Variants in HEATR5B observed in about 807,000 individuals in gnomAD.
The protein encoded by HEATR5B is HEAT repeat-containing protein 5B.
In HEATR5B, 156 loss-of-function variants were observed where a neutral mutation model predicts 224.1. That is an observed-to-expected ratio of 0.70 (90% CI 0.61 to 0.80). HEATR5B has a LOEUF of 0.80. Ranked by LOEUF, HEATR5B falls within the 30% of genes least tolerant of loss-of-function variation. The probability of loss-of-function intolerance (pLI) is 0.00; values close to 1 mark genes in which losing one functional copy is unlikely to be tolerated. For missense variants in HEATR5B, 2,323 were observed against 2,535.5 expected (o/e 0.92, Z 1.80); for synonymous variants, 1,027 against 893.0 (o/e 1.15, Z -2.68).
At chr2:37,020,510 G>A (rs1387991365) in intron 25 of HEATR5B, 145 bp downstream of exon 25, 22 of 510,968 alleles carry the variant, frequency 4.3e-5, no homozygotes, top group Non-Finnish European at 6.8e-6. Flanking sequence ...ACTAAAACTA[G>A]GTAACAGACA....
intron 33 of HEATR5B, among the ~76,000 whole-genome samples, chr2:36,999,174 G>A (rs1279570386): frequency 2.6e-5 from 4 of 151,958 alleles, no homozygotes; most frequent in South Asian, 4.2e-4. Context: ...AGCCAAGATT[G>A]CGCCACTGCA....
At chr2:36,983,488 G>A (rs1207719487) in intron 35 of HEATR5B, among the ~76,000 whole-genome samples, 1 of 151,734 alleles carries the variant, frequency 6.6e-6, no homozygotes, top group African/African-American at 2.4e-5. Context: ...GTGGTGAGCC[G>A]AGATCGTGCC....
intron 18 of HEATR5B, among the ~76,000 whole-genome samples, chr2:37,048,493 A>G (rs1670341249): frequency 2.0e-5 from 3 of 151,078 alleles, no homozygotes; most frequent in Admixed American, 1.3e-4. Flanking sequence ...CCAAGGACAC[A>G]TAAACTAAAA....
At position 37,072,215 on chromosome 2, in the gene HEATR5B, G is replaced by A. The variant is rs568836140; in HGVS notation, c.664C>T (p.Leu222Phe). The change falls in exon 6 of 36, where the codon CTC (leucine) becomes TTC (phenylalanine). Residue 222 changes from leucine to phenylalanine, a missense_variant. Physicochemically the swap from Leu to Phe is conservative, Grantham distance 22. Coordinates refer to ENST00000233099, the MANE Select transcript of HEATR5B (RefSeq NM_019024.3). The stretch of plus-strand genomic sequence containing the variant: ...GAGTTTTCCAAAGCCTTAAAGCAGA[G>A]AGTGGCTATATTTTCTAGTTCAGCA... ...WTAELENIAT[L>F]CFKALENSNY... 6.2e-7 allele frequency: 1 copy of A among 1,613,570 alleles called. No homozygotes were observed. Among genetic ancestry groups the A allele is most frequent in the Non-Finnish European group, 8.5e-7 (1 of 1,179,532 alleles).
intron 26 of HEATR5B, among the ~76,000 whole-genome samples, chr2:37,017,070 T>C (rs1480418474): frequency 6.6e-6 from 1 of 152,208 alleles, no homozygotes; most frequent in Non-Finnish European, 1.5e-5. Context: ...GGGAAAATTA[T>C]AAAGATTAGG....
chr2:37,068,650 A>G, intron 8 of HEATR5B, 31 bp downstream of exon 8: 1 of 1,607,086 alleles, frequency 6.2e-7, no homozygotes, highest in Non-Finnish European at 8.5e-7. Context: ...TGACTAAGGT[A>G]ATCAACACAC....
At chr2:37,041,758 T>TTAA (rs3084396) in intron 18 of HEATR5B, among the ~76,000 whole-genome samples, 22,938 of 149,324 alleles carry the variant, frequency 0.15, 2,385 homozygotes, top group East Asian at 0.53. Context: ...AATAATAATA[T>TTAA]TAATAATAAT....
At position 37,037,994 on chromosome 2, in the gene HEATR5B, G is replaced by A. The variant is rs1286998165; in HGVS notation, c.3077C>T (p.Ser1026Phe). ...TATTGCACAACCCACCAAACAAGAG[G>A]AACGAATTGTAGAAGTTGTTGCTCC... The part of the protein sequence containing the change: ...GNGATTSTIR[S>F]SCLVGCAITQ... The change falls in exon 21 of 36, where the codon TCC (serine) becomes TTC (phenylalanine). Residue 1026 changes from serine to phenylalanine, a missense_variant. By Grantham distance (155) the Ser-to-Phe change is radical (BLOSUM62 -2). Around this residue, in one of 12 missense-constraint regions of HEATR5B, gnomAD observed 88 missense variants for 86.8 expected, o/e 1.01. Transcript: ENST00000233099. 1 of 1,575,298 alleles carries A rather than the reference G, an allele frequency of 6.3e-7. No homozygotes were observed. The highest frequency in any genetic ancestry group is 8.6e-7 in the Non-Finnish European group (1 of 1,157,526).
intron 17 of HEATR5B, among the ~76,000 whole-genome samples, chr2:37,051,048 A>C (rs973518537): frequency 6.6e-6 from 1 of 151,500 alleles, no homozygotes; most frequent in African/African-American, 2.4e-5. Flanking sequence ...CCGTCTCCAA[A>C]AAAAATAAAT....
chr2:36,981,842 A>G (rs576272079), intron 35 of HEATR5B, 48 bp from the exon 36 acceptor site: 1 of 1,426,604 alleles, frequency 7.0e-7, no homozygotes, highest in South Asian at 1.4e-5. Context: ...AAGGATTATA[A>G]TAAACTTTAA....
At position 37,037,893 on chromosome 2, in the gene HEATR5B, G is replaced by A. The variant is rs768251444; in HGVS notation, c.3178C>T (p.Arg1060Ter). The A allele has an allele frequency of 1.4e-5, 23 of 1,596,202 alleles. No homozygotes were observed. Among genetic ancestry groups the A allele is most frequent in the Non-Finnish European group, 1.8e-5 (21 of 1,169,136 alleles). Residue 1060 changes from arginine to a stop codon, truncating the protein, a stop_gained, in exon 21 of 36, where the codon CGA (arginine) becomes TGA (stop). Transcript: ENST00000233099. LOFTEE classifies it high-confidence loss of function. ...CLQQLHMFAP[R>*]HVNLSSLVPS... ...ACAAGGCTAGATAGATTGACATGTC[G>A]TGGTGCAAACATGTGAAGCTGCTGA...
chr2:37,037,769 T>A, intron 21 of HEATR5B, 86 bp downstream of exon 21: 1 of 893,282 alleles, frequency 1.1e-6, no homozygotes, highest in South Asian at 3.9e-5. Context: ...AAAATATATA[T>A]AGCTAGTATG....
chr2:36,994,899 T>C (rs1038548294), intron 33 of HEATR5B, among the ~76,000 whole-genome samples: 2 of 151,610 alleles, frequency 1.3e-5, no homozygotes, highest in Non-Finnish European at 1.5e-5. Flanking sequence ...TACAGGTGCC[T>C]GCCACCACGC....
intron 27 of HEATR5B, among the ~76,000 whole-genome samples, chr2:37,011,196 A>C (rs546338730): frequency 6.6e-6 from 1 of 152,324 alleles, no homozygotes; most frequent in African/African-American, 2.4e-5. Flanking sequence ...TGGGAGTGTG[A>C]GAAAGGTGAG....
intron 1 of HEATR5B, 89 bp from the exon 2 acceptor site, chr2:37,083,525 G>A: frequency 1.1e-6 from 1 of 917,548 alleles, no homozygotes. Context: ...AGAAAAGTAG[G>A]ACTACTCATT....
intron 27 of HEATR5B, among the ~76,000 whole-genome samples, chr2:37,012,017 A>G (rs1400972641): frequency 6.6e-6 from 1 of 152,170 alleles, no homozygotes; most frequent in African/African-American, 2.4e-5. Context: ...TATCTTTCAG[A>G]CCTATTTTAA....
intron 24 of HEATR5B, among the ~76,000 whole-genome samples, chr2:37,022,381 G>A (rs990264416): frequency 2.6e-5 from 4 of 152,126 alleles, no homozygotes; most frequent in Non-Finnish European, 4.4e-5. Flanking sequence ...GTTTCACCAT[G>A]TTGACCAGGC....
Position 37,002,455 on chromosome 2 carries a change from A to G in HEATR5B, c.5168T>C (p.Leu1723Ser), listed in dbSNP as rs1341356714. 3 of 1,614,252 alleles carry G rather than the reference A, an allele frequency of 1.9e-6. No homozygotes were observed. Among genetic ancestry groups the G allele is most frequent in the South Asian group, 1.1e-5 (1 of 91,088 alleles). The part of the protein sequence containing the change: ...FATMELLMFI[L>S]VRHMPHLSTK... ...ACTGAGATGTGGCATATGCCGTACTAAAATGAACATCAGCAGCTCCATAGT... is the reference window on the plus strand; with the variant it reads ...ACTGAGATGTGGCATATGCCGTACTGAAATGAACATCAGCAGCTCCATAGT... Residue 1723 changes from leucine to serine, a missense_variant, in exon 32 of 36, where the codon TTA (leucine) becomes TCA (serine). Coordinates refer to ENST00000233099, the MANE Select transcript of HEATR5B (RefSeq NM_019024.3).
At chr2:36,995,973 C>A (rs577311998) in intron 33 of HEATR5B, among the ~76,000 whole-genome samples, 3 of 152,190 alleles carry the variant, frequency 2.0e-5, no homozygotes, top group East Asian at 3.9e-4. Context: ...GCAGCCTCTG[C>A]CTCCTGGGCT....
Sources: allele counts gnomAD v4.1 joint callset (sites outside exome capture counted in the v4.1 genomes callset), GRCh38; gene constraint gnomAD v4.1.1; regional missense constraint gnomAD v4.1.1; transcripts MANE v1.5; gene names NCBI Gene and HGNC (gene_info 2026-07-23, HGNC 2026-07-21).